MTHFD1L: variants seen among roughly 807,000 people sequenced by gnomAD.
MTHFD1L encodes the protein methylenetetrahydrofolate dehydrogenase (NADP+ dependent) 1 like.
In MTHFD1L, 81 loss-of-function variants were observed where a neutral mutation model predicts 119.5. The observed-to-expected ratio is 0.68, with a 90% CI of 0.57 to 0.82. MTHFD1L has a LOEUF of 0.82. Ranked by LOEUF, MTHFD1L falls within the 40% of genes least tolerant of loss-of-function variation. The probability of loss-of-function intolerance (pLI) is 0.00; values close to 1 mark genes in which losing one functional copy is unlikely to be tolerated. For missense variants in MTHFD1L, 1,125 were observed against 1,253.4 expected (o/e 0.90, Z 1.55); for synonymous variants, 430 against 475.2 (o/e 0.90, Z 1.24).
chr6:150,915,674 C>T (rs943120115), intron 8 of MTHFD1L, among the ~76,000 whole-genome samples: 2 of 152,148 alleles, frequency 1.3e-5, no homozygotes, highest in East Asian at 3.9e-4. Context: ...AATCTTGGCT[C>T]ACTGCAGCCT....
chr6:151,007,081 T>C (rs1781510777), intron 20 of MTHFD1L, among the ~76,000 whole-genome samples: 1 of 152,102 alleles, frequency 6.6e-6, no homozygotes, highest in Admixed American at 6.6e-5. Context: ...ATTTCTTCCC[T>C]GGCTCTGCCT....
Position 150,912,300 on chromosome 6 carries a change from TG to T in MTHFD1L, c.893-6276del, listed in dbSNP as rs1191916012. 1.9e-3 allele frequency among the ~76,000 whole-genome samples: 255 copies of T among 133,258 alleles called. 1 individual carries two copies. The highest frequency in any genetic ancestry group is 7.5e-3 in the African/African-American group (236 of 31,412). The allele number at this position is 133,258 out of a possible 152,430, so 87.4% of individuals were successfully genotyped here. ...CTGAAAAACTGGCTACCAGTGTTTT[TG>T]TTTTTTTTTTTCAAGTTCTACCTGT... On this transcript the variant is annotated intron_variant, in intron 8 of 27. Coordinates refer to ENST00000367321, the MANE Select transcript of MTHFD1L (RefSeq NM_015440.5).
At chr6:150,979,165 G>C (rs1161752976) in intron 20 of MTHFD1L, among the ~76,000 whole-genome samples, 1 of 152,154 alleles carries the variant, frequency 6.6e-6, no homozygotes, top group Non-Finnish European at 1.5e-5. Context: ...TTGAACCTGG[G>C]AGGCAGAGGC....
intron 16 of MTHFD1L, among the ~76,000 whole-genome samples, chr6:150,954,566 G>A (rs1795331488): frequency 6.6e-6 from 1 of 152,060 alleles, no homozygotes; most frequent in East Asian, 1.9e-4. Context: ...GCAGGCGCCT[G>A]TAATCCCAGC....
At chr6:151,066,969 G>GT (rs1791366284) in intron 26 of MTHFD1L, among the ~76,000 whole-genome samples, 1 of 150,688 alleles carries the variant, frequency 6.6e-6, no homozygotes, top group Non-Finnish European at 1.5e-5. Flanking sequence ...GTCCATATTA[G>GT]TAAGTGTTAA....
rs564075478 is a variant in MTHFD1L, at chr6:151,059,649, G to A, written c.2847+22532G>A. On this transcript the variant is annotated intron_variant, in intron 26 of 27. Transcript: ENST00000367321. The stretch of plus-strand genomic sequence containing the variant: ...ATAAGTTTTGTTCCTAACACTCTTT[G>A]TGATATGAAGTATTCTTGCTAATCA... 4.6e-5 allele frequency among the ~76,000 whole-genome samples: 7 copies of A among 152,270 alleles called. No individual in the cohort carries two copies. The South Asian group carries it at 1.2e-3, about 27-fold the overall frequency.
chr6:151,044,037 T>C (rs1787554585), intron 26 of MTHFD1L, among the ~76,000 whole-genome samples: 1 of 152,112 alleles, frequency 6.6e-6, no homozygotes, highest in Non-Finnish European at 1.5e-5. Context: ...TCCAGAAGCA[T>C]TTAGATGGTA....
intron 21 of MTHFD1L, among the ~76,000 whole-genome samples, chr6:151,011,148 C>T (rs1320789094): frequency 2.0e-5 from 3 of 152,232 alleles, no homozygotes; most frequent in Admixed American, 6.5e-5. Flanking sequence ...TAATACCCGA[C>T]ACTTAAGCAC....
intron 12 of MTHFD1L, among the ~76,000 whole-genome samples, chr6:150,937,577 AT>A (rs1489529241): frequency 6.6e-6 from 1 of 152,210 alleles, no homozygotes; most frequent in East Asian, 1.9e-4. Context: ...TGTTAAACAT[AT>A]TAATAACGTA....
chr6:150,870,765 G>C (rs1779275921), intron 1 of MTHFD1L, among the ~76,000 whole-genome samples: 1 of 151,662 alleles, frequency 6.6e-6, no homozygotes, highest in African/African-American at 2.4e-5. Flanking sequence ...ACAAAAATTA[G>C]CCAGGCATGG....
intron 23 of MTHFD1L, 147 bp from the exon 24 acceptor site, chr6:151,015,369 T>G (rs1461853683): frequency 6.7e-6 from 6 of 891,254 alleles, no homozygotes; most frequent in Non-Finnish European, 1.0e-5. Context: ...GCTTTAAGTC[T>G]GATTTATTTA....
At chr6:150,913,124 C>A (rs530558568) in intron 8 of MTHFD1L, among the ~76,000 whole-genome samples, 11 of 152,086 alleles carry the variant, frequency 7.2e-5, no homozygotes, top group Non-Finnish European at 1.5e-4. Context: ...GCCCCAGCCC[C>A]CAGGTAGCTG....
intron 24 of MTHFD1L, among the ~76,000 whole-genome samples, chr6:151,024,616 G>A (rs1259008206): frequency 6.6e-6 from 1 of 152,124 alleles, no homozygotes; most frequent in African/African-American, 2.4e-5. Context: ...ATCACTTGAA[G>A]TCAGGAGTTG....
chr6:150,916,623 C>T (rs1195999283), intron 8 of MTHFD1L, among the ~76,000 whole-genome samples: 4 of 149,454 alleles, frequency 2.7e-5, no homozygotes, highest in Non-Finnish European at 5.9e-5. Context: ...GCCACTATGC[C>T]CTGCCAGAAG....
At chr6:150,907,411 A>G (rs1366987485) in intron 8 of MTHFD1L, among the ~76,000 whole-genome samples, 3 of 152,244 alleles carry the variant, frequency 2.0e-5, no homozygotes, top group African/African-American at 7.2e-5. Flanking sequence ...ATGTTCCTCG[A>G]CTGACCATGG....
intron 8 of MTHFD1L, among the ~76,000 whole-genome samples, chr6:150,910,926 G>A (rs888203827): frequency 1.3e-5 from 2 of 152,126 alleles, no homozygotes; most frequent in Non-Finnish European, 2.9e-5. Flanking sequence ...TAGAGAAATT[G>A]GACATCCGTG....
chr6:150,986,921 C>T (rs911802639), intron 20 of MTHFD1L, among the ~76,000 whole-genome samples: 32 of 152,178 alleles, frequency 2.1e-4, no homozygotes, highest in Admixed American at 1.6e-3. Flanking sequence ...AGGCTGGTCT[C>T]GAACTCCTGA....
chr6:151,083,821 G>A (rs971771698), intron 26 of MTHFD1L, among the ~76,000 whole-genome samples: 3 of 152,122 alleles, frequency 2.0e-5, no homozygotes, highest in Non-Finnish European at 1.5e-5. Flanking sequence ...AGAGTAGCAA[G>A]CCTGTTATTT....
chr6:150,962,065 C>G (rs774479156), intron 18 of MTHFD1L, among the ~76,000 whole-genome samples: 4 of 152,210 alleles, frequency 2.6e-5, no homozygotes, highest in Non-Finnish European at 4.4e-5. Flanking sequence ...TCTTGGCTCA[C>G]TGCAACCTCT....
Sources: allele counts gnomAD v4.1 joint callset (sites outside exome capture counted in the v4.1 genomes callset), GRCh38; gene constraint gnomAD v4.1.1; transcripts MANE v1.5; gene names NCBI Gene and HGNC (gene_info 2026-07-23, HGNC 2026-07-21).